ARHGAP35: variants seen among roughly 807,000 people sequenced by gnomAD.
The protein encoded by ARHGAP35 is rho GTPase-activating protein 35.
A neutral mutation model predicts 111.1 loss-of-function variants in ARHGAP35; 15 were observed. The observed-to-expected ratio is 0.13, with a 90% CI of 0.09 to 0.21. The LOEUF (loss-of-function observed/expected upper bound fraction) is 0.21. Among genes scored for constraint, ARHGAP35 ranks in the 10% least tolerant of loss-of-function variants. ARHGAP35 has a pLI of 1.00. For missense variants in ARHGAP35, 1,262 were observed against 1,873.0 expected, an observed-to-expected ratio of 0.67 and a Z score of 6.02; for synonymous variants, 643 against 710.3, an observed-to-expected ratio of 0.91 and a Z score of 1.51.
intron 3 of ARHGAP35, among the ~76,000 whole-genome samples, chr19:46,969,095 T>C (rs943104703): frequency 1.3e-5 from 2 of 151,296 alleles, no homozygotes; most frequent in Admixed American, 1.3e-4. Flanking sequence ...AAAAAAAAAA[T>C]AGAAAGAAGT....
chr19:46,958,062 C>A (rs1388637522), intron 3 of ARHGAP35, among the ~76,000 whole-genome samples: 2 of 151,348 alleles, frequency 1.3e-5, no homozygotes, highest in African/African-American at 4.8e-5. Context: ...AGCCATCATG[C>A]CTGGCCACCA....
At position 47,000,327 on chromosome 19, in the gene ARHGAP35, G is replaced by T; in HGVS notation, c.4143-4G>T. 3.1e-6 allele frequency: 5 copies of T among 1,613,122 alleles called. No individual in the cohort carries two copies. In the South Asian group the frequency reaches 5.5e-5, roughly 18 times the overall value. On this transcript the variant is annotated splice_polypyrimidine_tract_variant and splice_region_variant and intron_variant, in intron 6 of 6. Transcript: ENST00000672722. The surrounding 1 kb of genome is among the most constrained non-coding windows in gnomAD (Gnocchi z 6.9). ...CTGACCATTGAGTTTGGTGTCGCCC[G>T]CAGGGTCAGCCACAACAACAAGGTG...
At chr19:46,925,164 G>C (rs2056230904) in intron 2 of ARHGAP35, among the ~76,000 whole-genome samples, 1 of 152,204 alleles carries the variant, frequency 6.6e-6, no homozygotes, top group African/African-American at 2.4e-5. Context: ...CCAGAAGTCA[G>C]TTATGGAGTA....
chr19:46,906,726 A>C (rs2056110409), intron 1 of ARHGAP35, among the ~76,000 whole-genome samples: 1 of 152,240 alleles, frequency 6.6e-6, no homozygotes, highest in Non-Finnish European at 1.5e-5. Context: ...TGGCTTTTAT[A>C]TCTCCTTAGT....
intron 2 of ARHGAP35, among the ~76,000 whole-genome samples, chr19:46,924,983 G>A (rs2122206474): frequency 6.6e-6 from 1 of 152,312 alleles, no homozygotes; most frequent in South Asian, 2.1e-4. Context: ...GTGCCTCTAA[G>A]ATAGCTGTGT....
At chr19:46,881,470 T>G (rs2055962217) in intron 1 of ARHGAP35, among the ~76,000 whole-genome samples, 1 of 152,212 alleles carries the variant, frequency 6.6e-6, no homozygotes, top group Non-Finnish European at 1.5e-5. Flanking sequence ...TACATCTCCA[T>G]CAGAGCTTTT....
rs114489666 is a variant in ARHGAP35 at position 46,936,611 on chromosome 19, G to A, written c.3682-653G>A. Among the ~76,000 whole-genome samples, 796 of 152,142 alleles carry A rather than the reference G, an allele frequency of 5.2e-3. 10 individuals carry two copies. The highest frequency in any genetic ancestry group is 0.019 in the African/African-American group (775 of 41,512). ...CATCTATTATCCTTGTAGGGTGTTT[G>A]GAAAACTTCCTGTTTACTCCAGTGC... On this transcript the variant is annotated intron_variant, in intron 2 of 6. Coordinates refer to ENST00000672722, the MANE Select transcript of ARHGAP35 (RefSeq NM_004491.5).
intron 1 of ARHGAP35, among the ~76,000 whole-genome samples, chr19:46,868,893 ATTTTTTTTTT>A (rs59080309): frequency 1.4e-4 from 8 of 58,702 alleles, no homozygotes; most frequent in Admixed American, 4.6e-4. Context: ...GCTCACCGTG[ATTTTTTTTTT>A]TTTTTTTTTT....
chr19:46,900,483 A>G lies in ARHGAP35; in HGVS notation c.-188-18005A>G, dbSNP rs143117888. Among the ~76,000 whole-genome samples the G allele has an allele frequency of 3.1e-4, 47 of 152,106 alleles. No homozygotes were observed. In the East Asian group the frequency reaches 8.5e-3, roughly 27 times the overall value. On this transcript the variant is annotated intron_variant, in intron 1 of 6. Coordinates refer to ENST00000672722, the MANE Select transcript of ARHGAP35 (RefSeq NM_004491.5). The stretch of plus-strand genomic sequence containing the variant: ...TGATCCGCCCACCTTGGCCTCCCAA[A>G]CTGTTGGGATTACAGGCGTGAGCCA...
At position 46,986,783 on chromosome 19, in the gene ARHGAP35, C is replaced by T. The variant is rs974386266; in HGVS notation, c.3827-1206C>T. 2.0e-5 allele frequency among the ~76,000 whole-genome samples: 3 copies of T among 152,108 alleles called. No homozygotes were observed. Among genetic ancestry groups the T allele is most frequent in the Non-Finnish European group, 4.4e-5 (3 of 68,010 alleles). ...TACCTATTTCCAGTAATCTGTTAAG[C>T]TTTTACTAGTTGTCAAAAAAACATA... On this transcript the variant is annotated intron_variant, in intron 3 of 6. Coordinates refer to ENST00000672722, the MANE Select transcript of ARHGAP35 (RefSeq NM_004491.5). This position sits in a 1 kb window ranked among gnomAD's most constrained non-coding sequence, Gnocchi z 4.3.
At position 46,993,741 on chromosome 19, in the gene ARHGAP35, C is replaced by G. The variant is rs2056691801; in HGVS notation, c.4036+4066C>G. Among the ~76,000 whole-genome samples, 1 of 152,050 alleles carries G rather than the reference C, an allele frequency of 6.6e-6. No individual in the cohort carries two copies. The highest frequency in any genetic ancestry group is 2.4e-5 in the African/African-American group (1 of 41,390). On this transcript the variant is annotated intron_variant, in intron 5 of 6. Coordinates refer to ENST00000672722, the MANE Select transcript of ARHGAP35 (RefSeq NM_004491.5). This position sits in a 1 kb window ranked among gnomAD's most constrained non-coding sequence, Gnocchi z 4.6. Reference sequence around the variant, plus strand: ...CCCTAAGTTCAAAAGTATGATGTCCCAGGAAGAGGTGCAGCTCCCAGCCCA... The same window carrying G: ...CCCTAAGTTCAAAAGTATGATGTCCGAGGAAGAGGTGCAGCTCCCAGCCCA...
At chr19:46,923,251 C>T (rs1409453589) in intron 2 of ARHGAP35, among the ~76,000 whole-genome samples, 1 of 152,104 alleles carries the variant, frequency 6.6e-6, no homozygotes, top group Non-Finnish European at 1.5e-5. Flanking sequence ...ACTACAGGCG[C>T]CCGCCACCGT....
At chr19:46,875,834 C>G (rs2055915991) in intron 1 of ARHGAP35, among the ~76,000 whole-genome samples, 2 of 152,196 alleles carry the variant, frequency 1.3e-5, no homozygotes, top group Middle Eastern at 3.4e-3. Context: ...GATTTGTTAT[C>G]TCTTGGTCTT....
intron 3 of ARHGAP35, among the ~76,000 whole-genome samples, chr19:46,956,194 T>G (rs1193075331): frequency 6.6e-6 from 1 of 152,178 alleles, no homozygotes; most frequent in African/African-American, 2.4e-5. Flanking sequence ...GGCGTGCACC[T>G]GTAGTCCCAG....
intron 3 of ARHGAP35, among the ~76,000 whole-genome samples, chr19:46,984,848 G>T (rs190675331): frequency 1.3e-3 from 194 of 152,300 alleles, no homozygotes; most frequent in African/African-American, 4.4e-3. Flanking sequence ...GCCCTCTCAT[G>T]CCGGGGCCGG....
chr19:46,937,172 C>A, intron 2 of ARHGAP35, 92 bp from the exon 3 acceptor site: 1 of 1,434,526 alleles, frequency 7.0e-7, no homozygotes, highest in Non-Finnish European at 9.6e-7. Context: ...AGTTTTTATA[C>A]CACTGCTTCC....
chr19:46,878,013 T>G lies in ARHGAP35; in HGVS notation c.-189+16804T>G, dbSNP rs565154778. Reference sequence around the variant, plus strand: ...ATTAGCCACCGCTCCCGGCCTAAATTTTTTCATTTTTTAAGTTTATTTTTT... The same window carrying G: ...ATTAGCCACCGCTCCCGGCCTAAATGTTTTCATTTTTTAAGTTTATTTTTT... On this transcript the variant is annotated intron_variant, in intron 1 of 6. Transcript: ENST00000672722. Among the ~76,000 whole-genome samples, 10 of 151,780 alleles carry G rather than the reference T, an allele frequency of 6.6e-5. No homozygotes were observed. In the South Asian group the frequency reaches 2.1e-3, roughly 32 times the overall value.
intron 1 of ARHGAP35, among the ~76,000 whole-genome samples, chr19:46,909,505 A>G (rs540348446): frequency 4.6e-5 from 7 of 152,244 alleles, no homozygotes; most frequent in Admixed American, 2.6e-4. Flanking sequence ...GACGTGTTTC[A>G]AGACCAGATA....
At chr19:46,879,817 G>GGCCA (rs2122132765) in intron 1 of ARHGAP35, among the ~76,000 whole-genome samples, 1 of 148,296 alleles carries the variant, frequency 6.7e-6, no homozygotes, top group South Asian at 2.1e-4. Context: ...TGGGTGCAGT[G>GGCCA]GCCAACCCCT....
Sources: gnomAD v4.1 joint callset for allele counts (sites outside exome capture counted in the v4.1 genomes callset) on GRCh38, gnomAD v4.1.1 for gene constraint, Gnocchi (gnomAD v3.1) non-coding constraint, MANE v1.5 for transcripts, NCBI Gene and HGNC (gene_info 2026-07-23, HGNC 2026-07-21) for gene names.